MRPL15: variants seen among roughly 807,000 people sequenced by gnomAD.
MRPL15 encodes the protein large ribosomal subunit protein uL15m.
Under a neutral mutation model 28.0 loss-of-function variants are expected in MRPL15, and 24 were observed. The ratio of observed to expected loss-of-function variants is 0.86; its 90% CI spans 0.62 to 1.21. The LOEUF (loss-of-function observed/expected upper bound fraction) is 1.21, where lower values mean the gene tolerates loss of function less well. Ranked by LOEUF, MRPL15 falls within the 50% of genes most tolerant of loss-of-function variation. The pLI is 0.00. For missense variants in MRPL15, 343 were observed against 372.4 expected (o/e 0.92, Z 0.65); for synonymous variants, 124 against 137.0 (o/e 0.90, Z 0.66).
At chr8:54,144,493 G>A (rs536105723) in intron 4 of MRPL15, among the ~76,000 whole-genome samples, 3 of 152,176 alleles carry the variant, frequency 2.0e-5, no homozygotes, top group South Asian at 2.1e-4. Context: ...ATCAAAGGCC[G>A]GGCGCAGTGG....
At chr8:54,146,464 A>G (rs1811047319) in intron 4 of MRPL15, among the ~76,000 whole-genome samples, 1 of 149,408 alleles carries the variant, frequency 6.7e-6, no homozygotes, top group African/African-American at 2.5e-5. Flanking sequence ...AAAAAAAAAA[A>G]GTCCCTTCCT....
At position 54,147,505 on chromosome 8, in the gene MRPL15, C is replaced by T. The variant is rs1811064994; in HGVS notation, c.677C>T (p.Pro226Leu). The change falls in exon 5 of 5, where the codon CCT (proline) becomes CTT (leucine). Residue 226 changes from proline to leucine, a missense_variant. Pro to Leu is a moderately conservative substitution (Grantham distance 98). Transcript: ENST00000260102. ...AAGAACCGTGGGTACCTGGCGGATCCTGCCAAATTTCCTGAAGCACGACTT... is the reference window on the plus strand; with the variant it reads ...AAGAACCGTGGGTACCTGGCGGATCTTGCCAAATTTCCTGAAGCACGACTT... ...DAKNRGYLADPAKFPEARLEL... is the reference protein window; with the variant it reads ...DAKNRGYLADLAKFPEARLEL... 6.2e-7 allele frequency: 1 copy of T among 1,614,072 alleles called. No individual in the cohort carries two copies.
intron 1 of MRPL15, among the ~76,000 whole-genome samples, chr8:54,135,741 T>G (rs1304267100): frequency 1.3e-5 from 2 of 151,956 alleles, no homozygotes; most frequent in Non-Finnish European, 2.9e-5. Context: ...GCCAGGCTGG[T>G]TTTGAACTCC....
In MRPL15 at chr8:54,139,888, G is replaced by A. The variant is rs189921441; in HGVS notation, c.429+2455G>A. Among the ~76,000 whole-genome samples, 74 of 152,266 alleles carry A rather than the reference G, an allele frequency of 4.9e-4. 1 individual carries two copies. The highest frequency in any genetic ancestry group is 8.4e-4 in the Non-Finnish European group (57 of 68,020). ...ACTGACACCAATGCCCCCAAATAGG[G>A]AGATGGTTAAGCAAACTATGGATTG... is the stretch of plus-strand genomic sequence containing the variant. On this transcript the variant is annotated intron_variant, in intron 3 of 4. Coordinates refer to ENST00000260102, the MANE Select transcript of MRPL15 (RefSeq NM_014175.4).
intron 2 of MRPL15, 78 bp from the exon 3 acceptor site, chr8:54,137,190 C>T: frequency 7.1e-7 from 1 of 1,415,690 alleles, no homozygotes. Context: ...GAGGAAAACA[C>T]AAGACAAAGC....
chr8:54,137,217 G>T (rs1166218112), intron 2 of MRPL15, 51 bp from the exon 3 acceptor site: 3 of 1,541,202 alleles, frequency 1.9e-6, no homozygotes, highest in East Asian at 4.5e-5. Context: ...TTGATTTCGA[G>T]AAGTTACAGG....
Position 54,135,355 on chromosome 8 carries a change from G to A in MRPL15, c.72G>A (p.Leu24=). Residue 24 remains leucine (L), a synonymous_variant, in exon 1 of 5, where the codon CTG becomes CTA. Transcript: ENST00000260102. ...DLLRGLPRVS[L]ANLKPNPGSK... is the part of the protein sequence containing the mutation. ...TCCGGGGCCTGCCGCGTGTGAGCCT[G>A]GCCAACTTAAAGCCGAATCCCGGCT... 1 of 1,521,144 alleles carries A rather than the reference G, an allele frequency of 6.6e-7. No homozygotes were observed. 94.2% of individuals were successfully genotyped at this position (1,521,144 alleles called of 1,614,324 possible).
chr8:54,139,441 T>G (rs1052862356), intron 3 of MRPL15, among the ~76,000 whole-genome samples: 6 of 152,184 alleles, frequency 3.9e-5, no homozygotes, highest in African/African-American at 1.4e-4. Context: ...ATAAAAACTT[T>G]CCAAATAAAG....
At position 54,143,349 on chromosome 8, in the gene MRPL15, G is replaced by A. The variant is rs981634603; in HGVS notation, c.553+563G>A. Among the ~76,000 whole-genome samples, 5 of 152,270 alleles carry A rather than the reference G, an allele frequency of 3.3e-5. No individual in the cohort carries two copies. In the South Asian group the frequency reaches 1.0e-3, roughly 32 times the overall value. On this transcript the variant is annotated intron_variant, in intron 4 of 4. Coordinates refer to ENST00000260102, the MANE Select transcript of MRPL15 (RefSeq NM_014175.4). ...CCTTCTCAGCTTCCCAAAGTGCTGG[G>A]ATTACAGGTGTGAGCCACCACGCCC...
chr8:54,137,425 G>A lies in MRPL15; in HGVS notation c.421G>A (p.Val141Ile). The change falls in exon 3 of 5, where the codon GTT becomes ATT. Residue 141 changes from valine to isoleucine, a missense_variant. Physicochemically the swap from Val to Ile is conservative, Grantham distance 29 (BLOSUM62 3). Transcript: ENST00000260102. ...PLKRDYGVQL[V>I]EEGADTFTAK... Reference sequence around the variant, plus strand: ...TAAAAGGGATTATGGTGTCCAGCTGGTTGAGGAGGTAAGTCTTGATTAGAT... The same window carrying A: ...TAAAAGGGATTATGGTGTCCAGCTGATTGAGGAGGTAAGTCTTGATTAGAT... The A allele has an allele frequency of 6.2e-7, 1 of 1,613,714 alleles. No homozygotes were observed. Among genetic ancestry groups the A allele is most frequent in the South Asian group, 1.1e-5 (1 of 90,924 alleles).
At chr8:54,144,906 C>G (rs920464309) in intron 4 of MRPL15, among the ~76,000 whole-genome samples, 1 of 152,054 alleles carries the variant, frequency 6.6e-6, no homozygotes, top group Non-Finnish European at 1.5e-5. Context: ...ATATGAAAAC[C>G]AGCATTTTTA....
At chr8:54,140,372 C>T (rs1810898051) in intron 3 of MRPL15, among the ~76,000 whole-genome samples, 1 of 151,932 alleles carries the variant, frequency 6.6e-6, no homozygotes, top group Non-Finnish European at 1.5e-5. Flanking sequence ...AGCCATTCTC[C>T]TGCCTCAGCC....
intron 4 of MRPL15, among the ~76,000 whole-genome samples, chr8:54,144,500 G>A (rs180992173): frequency 2.0e-5 from 3 of 152,310 alleles, no homozygotes; most frequent in Non-Finnish European, 1.5e-5. Flanking sequence ...GCCGGGCGCA[G>A]TGGCTCATTC....
rs1420511893 is a variant in MRPL15, at chr8:54,147,529, T to A, written c.701T>A (p.Leu234His). The A allele has an allele frequency of 6.2e-7, 1 of 1,614,180 alleles. No individual in the cohort carries two copies. The highest frequency in any genetic ancestry group is 8.5e-7 in the Non-Finnish European group (1 of 1,180,036). Reference protein sequence around the residue: ...ADPAKFPEARLELARKYGYIL... With the variant: ...ADPAKFPEARHELARKYGYIL... The stretch of plus-strand genomic sequence containing the variant: ...CCTGCCAAATTTCCTGAAGCACGAC[T>A]TGAACTCGCCAGGAAGTATGGTTAT... The change falls in exon 5 of 5, where the codon CTT becomes CAT. Residue 234 changes from leucine to histidine, a missense_variant. Physicochemically the swap from Leu to His is moderately conservative, Grantham distance 99 (BLOSUM62 -3). Coordinates refer to ENST00000260102, the MANE Select transcript of MRPL15 (RefSeq NM_014175.4).
intron 4 of MRPL15, among the ~76,000 whole-genome samples, chr8:54,145,724 C>G (rs1366940254): frequency 6.6e-6 from 1 of 152,176 alleles, no homozygotes; most frequent in African/African-American, 2.4e-5. Context: ...AATTCTCCTA[C>G]CTCCCAAGGT....
intron 4 of MRPL15, among the ~76,000 whole-genome samples, chr8:54,143,992 G>A (rs1383477016): frequency 6.6e-6 from 1 of 152,214 alleles, no homozygotes; most frequent in Non-Finnish European, 1.5e-5. Context: ...CACATGCATG[G>A]TGTGCACACG....
chr8:54,143,897 G>A (rs1810973476), intron 4 of MRPL15, among the ~76,000 whole-genome samples: 1 of 152,194 alleles, frequency 6.6e-6, no homozygotes, highest in Non-Finnish European at 1.5e-5. Context: ...AATATTCATG[G>A]CTTTGGGCCC....
In MRPL15 at chr8:54,147,988, G is replaced by A. The variant is rs1314120941; in HGVS notation, c.*269G>A. On this transcript the variant is annotated 3_prime_UTR_variant, in exon 5 of 5. Transcript: ENST00000260102. ...TGACAACTATTTTAGAATATTTCTA[G>A]TTTGTTTTTTCAGTGATCTTTTCAT... 5.8e-6 allele frequency: 2 copies of A among 343,406 alleles called. No individual in the cohort carries two copies. The allele number at this position is 343,406 out of a possible 1,614,324, so 21.3% of individuals were successfully genotyped here.
chr8:54,144,769 A>G (rs1388569669), intron 4 of MRPL15, among the ~76,000 whole-genome samples: 1 of 138,626 alleles, frequency 7.2e-6, no homozygotes, highest in African/African-American at 3.0e-5. Context: ...GCAAAGTGAG[A>G]CTGTCTCAAA....
Sources: allele counts gnomAD v4.1 joint callset (sites outside exome capture counted in the v4.1 genomes callset), GRCh38; gene constraint gnomAD v4.1.1; transcripts MANE v1.5; gene names NCBI Gene and HGNC (gene_info 2026-07-23, HGNC 2026-07-21).